Variants in FLI1 observed in about 807,000 individuals in gnomAD.
FLI1 encodes Fli-1 proto-oncogene, ETS transcription factor.
In FLI1, 13 loss-of-function variants were observed where a neutral mutation model predicts 53.1. The observed-to-expected ratio is 0.24, with a 90% confidence interval of 0.16 to 0.39. The LOEUF (loss-of-function observed/expected upper bound fraction) is 0.39, where lower values mean the gene tolerates loss of function less well. Ranked by LOEUF, FLI1 falls within the 10% of genes least tolerant of loss-of-function variation. The pLI is 1.00. For synonymous variants in FLI1, 244 were observed against 236.7 expected (o/e 1.03, Z -0.28); for missense variants, 424 against 600.5 (o/e 0.71, Z 3.07).
At chr11:128,693,899 G>A, upstream of FLI1, 1 of 261,038 alleles carries the variant, frequency 3.8e-6, no homozygotes, top group East Asian at 5.6e-5. Context: ...GAGGGAAGAC[G>A]AGGGAGAGCA....
At chr11:128,751,248 G>T (rs754733633) in intron 1 of FLI1, among the ~76,000 whole-genome samples, 1 of 152,084 alleles carries the variant, frequency 6.6e-6, no homozygotes, top group South Asian at 2.1e-4. Flanking sequence ...ATCAACATTC[G>T]GAGAAGTAGG....
intron 5 of FLI1, among the ~76,000 whole-genome samples, chr11:128,799,442 A>C (rs533418388): frequency 3.5e-4 from 54 of 152,256 alleles, no homozygotes; most frequent in Non-Finnish European, 6.9e-4. Flanking sequence ...TGCTTATTTA[A>C]TCCTCATAGC....
intron 1 of FLI1, among the ~76,000 whole-genome samples, chr11:128,701,060 G>A (rs1331310325): frequency 6.6e-6 from 1 of 152,216 alleles, no homozygotes; most frequent in African/African-American, 2.4e-5. Context: ...ATGAGCAGCA[G>A]TCAGGATTAG....
At chr11:128,765,769 A>AGT (rs1268374441) in intron 2 of FLI1, among the ~76,000 whole-genome samples, 15 of 151,996 alleles carry the variant, frequency 9.9e-5, no homozygotes, top group African/African-American at 3.1e-4. Context: ...CATGTGCGTG[A>AGT]GTGTGTGTGT....
chr11:128,801,237 T>A (rs1188653336), intron 5 of FLI1, among the ~76,000 whole-genome samples: 1 of 151,974 alleles, frequency 6.6e-6, no homozygotes, highest in East Asian at 1.9e-4. Context: ...TGACGGAGAG[T>A]CGGGGCAGGA....
intron 1 of FLI1, among the ~76,000 whole-genome samples, chr11:128,736,410 T>C (rs2135763623): frequency 6.6e-6 from 1 of 152,336 alleles, no homozygotes; most frequent in South Asian, 2.1e-4. Context: ...ACAGATAAGA[T>C]ACACTCTTGT....
At chr11:128,799,058 C>CTTTTTTTTTTTTTTTTTTTT (rs1942544964) in intron 5 of FLI1, among the ~76,000 whole-genome samples, 1 of 102,748 alleles carries the variant, frequency 9.7e-6, no homozygotes, top group African/African-American at 3.9e-5. Context: ...TATTATTTTG[C>CTTTTTTTTTTTTTTTTTTTT]TTTGGAGACA....
intron 1 of FLI1, among the ~76,000 whole-genome samples, chr11:128,746,093 G>A (rs557106288): frequency 2.0e-5 from 3 of 152,298 alleles, no homozygotes; most frequent in East Asian, 1.9e-4. Flanking sequence ...TACTCAAAGC[G>A]CAAAGATAGA....
chr11:128,694,196 A>G lies in FLI1; in HGVS notation c.-63A>G. The G allele has an allele frequency of 6.6e-7, 1 of 1,507,424 alleles. No individual in the cohort carries two copies. Among genetic ancestry groups the G allele is most frequent in the Non-Finnish European group, 8.9e-7 (1 of 1,128,574 alleles). The allele number at this position is 1,507,424 out of a possible 1,614,324, so 93.4% of individuals were successfully genotyped here. A position where few individuals can be genotyped will look rare whatever the true frequency, so the allele number is the denominator to read the frequency against. ...GCCGGGCTAATCCGAAGGGGCTGCG[A>G]GGTCAGGCTGTAACCGGGTCAATGT... On this transcript the variant is annotated 5_prime_UTR_variant, in exon 1 of 9. Coordinates refer to ENST00000527786, the MANE Select transcript of FLI1 (RefSeq NM_002017.5).
At chr11:128,761,801 G>C (rs1332519152) in intron 2 of FLI1, among the ~76,000 whole-genome samples, 2 of 152,184 alleles carry the variant, frequency 1.3e-5, no homozygotes, top group African/African-American at 4.8e-5. Flanking sequence ...GGGCCTGTGT[G>C]AATATTCCAG....
intron 1 of FLI1, among the ~76,000 whole-genome samples, chr11:128,739,379 G>A (rs1209152744): frequency 6.6e-6 from 1 of 152,142 alleles, no homozygotes; most frequent in East Asian, 1.9e-4. Flanking sequence ...GGTAGAGAGG[G>A]AAAGGGAAAG....
chr11:128,777,402 G>A (rs1941767896), intron 4 of FLI1, among the ~76,000 whole-genome samples: 1 of 151,946 alleles, frequency 6.6e-6, no homozygotes, highest in Admixed American at 6.6e-5. Flanking sequence ...ATGAAACTGC[G>A]CGACCGGGAG....
At chr11:128,705,911 T>C (rs569998587) in intron 1 of FLI1, among the ~76,000 whole-genome samples, 14 of 152,278 alleles carry the variant, frequency 9.2e-5, no homozygotes, top group South Asian at 2.1e-4. Flanking sequence ...GCTTTTTTTT[T>C]CCCCACAGCA....
intron 1 of FLI1, among the ~76,000 whole-genome samples, chr11:128,705,935 C>T (rs78618100): frequency 0.013 from 1,925 of 152,200 alleles, 37 homozygotes; most frequent in African/African-American, 0.043. Flanking sequence ...TGTGTAATGT[C>T]CCGATGAACC....
chr11:128,733,609 A>C (rs1939788049), intron 1 of FLI1, among the ~76,000 whole-genome samples: 1 of 152,212 alleles, frequency 6.6e-6, no homozygotes, highest in African/African-American at 2.4e-5. Context: ...TGGGTGTCAC[A>C]GGTCAAGCTA....
intron 1 of FLI1, among the ~76,000 whole-genome samples, chr11:128,687,198 A>C (rs1041168327): frequency 5.9e-5 from 9 of 151,856 alleles, no homozygotes. Context: ...CCTCGAGCCC[A>C]CCTTCTTTGG....
chr11:128,733,547 A>G (rs1332837894), intron 1 of FLI1, among the ~76,000 whole-genome samples: 2 of 152,196 alleles, frequency 1.3e-5, no homozygotes, highest in Non-Finnish European at 2.9e-5. Context: ...AAATAATGGA[A>G]ACATGCAAAG....
intron 1 of FLI1, among the ~76,000 whole-genome samples, chr11:128,741,398 T>TAATA (rs1459194798): frequency 1.3e-5 from 2 of 151,964 alleles, no homozygotes; most frequent in African/African-American, 2.4e-5. Flanking sequence ...GTCTCAAAAG[T>TAATA]AATAAATAAA....
At chr11:128,797,639 T>C (rs1038702047) in intron 5 of FLI1, among the ~76,000 whole-genome samples, 1 of 152,232 alleles carries the variant, frequency 6.6e-6, no homozygotes, top group Non-Finnish European at 1.5e-5. Context: ...GTCTAGCGAT[T>C]GTTGTGTTCT....
Sources: allele counts gnomAD v4.1 joint callset (sites outside exome capture counted in the v4.1 genomes callset), GRCh38; gene constraint gnomAD v4.1.1; transcripts MANE v1.5; gene names NCBI Gene and HGNC (gene_info 2026-07-23, HGNC 2026-07-21).